The following RIMKLB variants were observed in gnomAD, a reference collection of about 807,000 sequenced individuals.
RIMKLB encodes ribosomal modification protein rimK like family member B, also known as beta-citrylglutamate synthase B.
Under a neutral mutation model 32.0 loss-of-function variants are expected in RIMKLB, and 7 were observed. The ratio of observed to expected loss-of-function variants is 0.22; its 90% CI spans 0.12 to 0.41. The LOEUF (loss-of-function observed/expected upper bound fraction) is 0.41. Ranked by LOEUF, RIMKLB falls within the 10% of genes least tolerant of loss-of-function variation. RIMKLB has a pLI of 1.00. For synonymous variants in RIMKLB, 172 were observed against 185.1 expected (o/e 0.93, Z 0.57); for missense variants, 289 against 498.7 (o/e 0.58, Z 4.00).
intron 1 of RIMKLB, among the ~76,000 whole-genome samples, chr12:8,713,429 A>G (rs779963169): frequency 2.3e-4 from 35 of 152,326 alleles, no homozygotes; most frequent in African/African-American, 8.4e-4. Flanking sequence ...ATTGATTGGC[A>G]TTTCATTTCA....
chr12:8,713,017 C>A (rs1224481024), intron 1 of RIMKLB, among the ~76,000 whole-genome samples: 1 of 152,030 alleles, frequency 6.6e-6, no homozygotes, highest in East Asian at 1.9e-4. Flanking sequence ...GTTCATGATA[C>A]AAACTCAGAG....
chr12:8,772,981 A>T (rs1320150512), intron 5 of RIMKLB, among the ~76,000 whole-genome samples: 1 of 152,182 alleles, frequency 6.6e-6, no homozygotes, highest in Non-Finnish European at 1.5e-5. Flanking sequence ...ATGCATTTTT[A>T]TTATTTTTAT....
intron 1 of RIMKLB, among the ~76,000 whole-genome samples, chr12:8,710,375 T>G (rs1367538174): frequency 6.8e-6 from 1 of 146,352 alleles, no homozygotes; most frequent in African/African-American, 2.5e-5. Flanking sequence ...TGGCACGATC[T>G]CCACTCACTA....
intron 5 of RIMKLB, among the ~76,000 whole-genome samples, chr12:8,762,025 A>C (rs1949567185): frequency 6.6e-6 from 1 of 152,166 alleles, no homozygotes; most frequent in African/African-American, 2.4e-5. Context: ...AAGGAGGTTA[A>C]AGATACAGGA....
At chr12:8,673,476 G>A in the RIMKLB span, among the ~76,000 whole-genome samples, 612 of 152,214 alleles carry the variant, frequency 4.0e-3, 7 homozygotes, top group South Asian at 0.028. Flanking sequence ...TGTTAGCTGG[G>A]CTGCGGGGAT....
chr12:8,757,470 C>CAAAAAAAAAAAAAAAAAAAAAAA (rs55670138), intron 5 of RIMKLB, among the ~76,000 whole-genome samples: 4 of 71,406 alleles, frequency 5.6e-5, no homozygotes, highest in African/African-American at 2.0e-4. Context: ...GACCCTGTCT[C>CAAAAAAAAAAAAAAAAAAAAAAA]AAAAAAAAAA....
intron 1 of RIMKLB, among the ~76,000 whole-genome samples, chr12:8,703,751 G>A (rs1372745167): frequency 6.6e-6 from 1 of 152,156 alleles, no homozygotes; most frequent in Non-Finnish European, 1.5e-5. Flanking sequence ...CTTTAAACAA[G>A]TTATCTAACC....
intron 1 of RIMKLB, among the ~76,000 whole-genome samples, chr12:8,709,248 A>C (rs1035485013): frequency 6.6e-6 from 1 of 152,230 alleles, no homozygotes; most frequent in African/African-American, 2.4e-5. Flanking sequence ...ATTCTGGATC[A>C]TTAGCAGGAC....
Position 8,775,401 on chromosome 12 carries a change from G to T in RIMKLB, c.*1617G>T. 2.0e-6 allele frequency: 2 copies of T among 985,464 alleles called. No individual in the cohort carries two copies. Among genetic ancestry groups the T allele is most frequent in the Non-Finnish European group, 2.4e-6 (2 of 829,888 alleles). The allele number at this position is 985,464 out of a possible 1,614,324, so 61.0% of individuals were successfully genotyped here. A position where few individuals can be genotyped will look rare whatever the true frequency, so the allele number is the denominator to read the frequency against. ...CATGGGTAAAACTAATCCCATTGAT[G>T]GGTTTGGATGGTATGTTAAGAAATG... On this transcript the variant is annotated 3_prime_UTR_variant, in exon 6 of 6. Coordinates refer to ENST00000535829, the MANE Select transcript of RIMKLB (RefSeq NM_001297776.2).
chr12:8,765,070 C>G (rs1241162255), intron 5 of RIMKLB, among the ~76,000 whole-genome samples: 4 of 151,516 alleles, frequency 2.6e-5, no homozygotes, highest in African/African-American at 7.3e-5. Flanking sequence ...AAGTTTTTTT[C>G]TAATGTCTGC....
At chr12:8,725,434 C>G (rs369533564) in intron 2 of RIMKLB, among the ~76,000 whole-genome samples, 1 of 152,190 alleles carries the variant, frequency 6.6e-6, no homozygotes, top group East Asian at 1.9e-4. Context: ...CACGCCAGCA[C>G]GCGCAGCTAA....
Position 8,750,000 on chromosome 12 carries a change from G to A in RIMKLB, c.314G>A (p.Arg105Gln), listed in dbSNP as rs375693846. The A allele has an allele frequency of 2.8e-5, 45 of 1,613,886 alleles. No individual in the cohort carries two copies. Among genetic ancestry groups the A allele is most frequent in the Non-Finnish European group, 3.5e-5 (41 of 1,179,974 alleles). Residue 105 changes from arginine (R) to glutamine (Q), a missense_variant, in exon 3 of 6, where the codon CGA becomes CAA. This residue lies in a region of RIMKLB where 156 missense variants were observed against 329.5 expected (regional missense o/e 0.47). Transcript: ENST00000535829. ...AAGATGGGATGTCGGTTAATGAACC[G>A]ACCTCAAGCCATCCTGAACTGCGTT... ...LEKMGCRLMN[R>Q]PQAILNCVNK... is the part of the protein sequence containing the mutation.
chr12:8,682,772 CAA>C (rs1222289479), intron 1 of RIMKLB, among the ~76,000 whole-genome samples: 1 of 80,690 alleles, frequency 1.2e-5, no homozygotes, highest in East Asian at 3.4e-4. Context: ...GATTCCGCCT[CAA>C]AAAAAAATAA....
intron 2 of RIMKLB, among the ~76,000 whole-genome samples, chr12:8,734,675 A>G (rs1388802305): frequency 6.6e-6 from 1 of 152,066 alleles, no homozygotes. Context: ...GTCATGTTTT[A>G]CTTGCCCATA....
chr12:8,773,918 G>A lies in RIMKLB; in HGVS notation c.*134G>A, dbSNP rs1371303315. On this transcript the variant is annotated 3_prime_UTR_variant, in exon 6 of 6. Coordinates refer to ENST00000535829, the MANE Select transcript of RIMKLB (RefSeq NM_001297776.2). ...GAAAATTAGTAGGATTAGTTGGAGA[G>A]AGTGGGAGATAGATGAGACCTCTGC... The A allele has an allele frequency of 3.0e-5, 43 of 1,438,720 alleles. No homozygotes were observed. The highest frequency in any genetic ancestry group is 3.7e-5 in the Non-Finnish European group (41 of 1,099,578). The allele number at this position is 1,438,720 out of a possible 1,614,324, so 89.1% of individuals were successfully genotyped here. A position where few individuals can be genotyped will look rare whatever the true frequency, so the allele number is the denominator to read the frequency against.
At chr12:8,702,878 T>C (rs1469990610) in intron 1 of RIMKLB, among the ~76,000 whole-genome samples, 2 of 152,258 alleles carry the variant, frequency 1.3e-5, no homozygotes, top group Non-Finnish European at 2.9e-5. Flanking sequence ...ACATTTATCA[T>C]GTTAAATATG....
chr12:8,676,771 A>G (rs1207815648), upstream of RIMKLB, among the ~76,000 whole-genome samples: 1 of 152,098 alleles, frequency 6.6e-6, no homozygotes, highest in Non-Finnish European at 1.5e-5. Flanking sequence ...GCAATAGCAC[A>G]TCATTGTTTG....
rs1034085907 is a variant in RIMKLB at position 8,767,555 on chromosome 12, C to T, written c.698-5766C>T. Among the ~76,000 whole-genome samples, 9 of 152,090 alleles carry T rather than the reference C, an allele frequency of 5.9e-5. 1 individual carries two copies. The South Asian group carries it at 6.2e-4, about 11-fold the overall frequency. On this transcript the variant is annotated intron_variant, in intron 5 of 5. Coordinates refer to ENST00000535829, the MANE Select transcript of RIMKLB (RefSeq NM_001297776.2). ...GCTACACTTTCAAGAAAGTCGTGGT[C>T]GGGACCCAGAAGCTATGGGTCAGAA...
intron 2 of RIMKLB, among the ~76,000 whole-genome samples, chr12:8,716,335 CT>C (rs968554042): frequency 6.6e-6 from 1 of 151,704 alleles, no homozygotes; most frequent in Non-Finnish European, 1.5e-5. Flanking sequence ...GTGGAACTTG[CT>C]TTTTTCCATC....
Sources: allele counts gnomAD v4.1 joint callset (sites outside exome capture counted in the v4.1 genomes callset), GRCh38; gene constraint gnomAD v4.1.1; regional missense constraint gnomAD v4.1.1; transcripts MANE v1.5; gene names NCBI Gene and HGNC (gene_info 2026-07-23, HGNC 2026-07-21).